GPR176: variants seen among roughly 807,000 people sequenced by gnomAD.
The protein encoded by GPR176 is G-protein coupled receptor 176.
A neutral mutation model predicts 35.4 loss-of-function variants in GPR176; 26 were observed. The observed-to-expected ratio is 0.74, with a 90% CI of 0.54 to 1.02. GPR176 has a LOEUF of 1.02. Ranked by LOEUF, GPR176 falls within the 50% of genes least tolerant of loss-of-function variation. The pLI is 0.00. For synonymous variants in GPR176, 278 were observed against 271.3 expected, an observed-to-expected ratio of 1.02 and a Z score of -0.24; for missense variants, 597 against 665.3, an observed-to-expected ratio of 0.90 and a Z score of 1.13.
chr15:39,865,508 A>G (rs2031790188), intron 1 of GPR176, among the ~76,000 whole-genome samples: 1 of 152,146 alleles, frequency 6.6e-6, no homozygotes. Context: ...ATGTGTACAC[A>G]TGGAGGTAGA....
Position 39,800,885 on chromosome 15 carries a change from C to T in GPR176, c.*247G>A, listed in dbSNP as rs1435663401. 4.6e-6 allele frequency: 2 copies of T among 433,082 alleles called. No individual in the cohort carries two copies. Among genetic ancestry groups the T allele is most frequent in the Non-Finnish European group, 8.4e-6 (2 of 238,256 alleles). The allele number at this position is 433,082 out of a possible 1,614,324, so 26.8% of individuals were successfully genotyped here. A position where few individuals can be genotyped will look rare whatever the true frequency, so the allele number is the denominator to read the frequency against. ...CATTCAAAACTGCCCAGCTCTTGTC[C>T]CCACAGAGAATAATGTGGACTTCAC... is the stretch of plus-strand genomic sequence containing the variant. On this transcript the variant is annotated 3_prime_UTR_variant, in exon 3 of 3. Transcript: ENST00000561100.
intron 1 of GPR176, among the ~76,000 whole-genome samples, chr15:39,881,596 T>G (rs1476770058): frequency 6.6e-6 from 1 of 152,256 alleles, no homozygotes; most frequent in Non-Finnish European, 1.5e-5. Context: ...AAAGCAGTAC[T>G]GAGTGCAACT....
Position 39,905,496 on chromosome 15 carries a change from T to C in GPR176, c.172+14359A>G, listed in dbSNP as rs138194362. ...AAAAATTAGCTGATGTGGCGGCACA[T>C]AACAGTGGGAGGATTGCTTGATCAC... On this transcript the variant is annotated intron_variant, in intron 1 of 2. Coordinates refer to ENST00000561100, the MANE Select transcript of GPR176 (RefSeq NM_007223.3). 6.3e-3 allele frequency among the ~76,000 whole-genome samples: 920 copies of C among 146,548 alleles called. 11 individuals carry two copies. Among genetic ancestry groups the C allele is most frequent in the African/African-American group, 0.019 (768 of 39,940 alleles).
intron 1 of GPR176, chr15:39,829,411 G>C (rs1293552017): frequency 3.7e-6 from 4 of 1,072,966 alleles, no homozygotes; most frequent in Middle Eastern, 3.8e-4. Flanking sequence ...AAGCCCTGTA[G>C]AGTGAGGTTG....
rs1276280974 is a variant in GPR176, at chr15:39,920,095, G to C, written c.-69C>G. On this transcript the variant is annotated 5_prime_UTR_variant, in exon 1 of 3. Coordinates refer to ENST00000561100, the MANE Select transcript of GPR176 (RefSeq NM_007223.3). Reference sequence around the variant, plus strand: ...CCCCGCGCGGAGCCTCTCCTCCTCCGGGTGAGGAGGGACGCGCGGGCGCCT... The same window carrying C: ...CCCCGCGCGGAGCCTCTCCTCCTCCCGGTGAGGAGGGACGCGCGGGCGCCT... 4.7e-6 allele frequency: 5 copies of C among 1,065,540 alleles called. No individual in the cohort carries two copies. Among genetic ancestry groups the C allele is most frequent in the Non-Finnish European group, 6.1e-6 (5 of 821,582 alleles). 66.0% of individuals were successfully genotyped at this position (1,065,540 alleles called of 1,614,324 possible). A position where few individuals can be genotyped will look rare whatever the true frequency, so the allele number is the denominator to read the frequency against.
chr15:39,865,570 G>A (rs2031794360), intron 1 of GPR176, among the ~76,000 whole-genome samples: 1 of 152,080 alleles, frequency 6.6e-6, no homozygotes, highest in African/African-American at 2.4e-5. Context: ...GTGGAAGGAG[G>A]ATGGATGATG....
intron 2 of GPR176, among the ~76,000 whole-genome samples, chr15:39,802,764 A>G (rs1898966356): frequency 6.6e-6 from 1 of 152,228 alleles, no homozygotes; most frequent in South Asian, 2.1e-4. Flanking sequence ...CACAGTCCAG[A>G]TATCATTAAC....
At chr15:39,901,213 C>G (rs2033267178) in intron 1 of GPR176, among the ~76,000 whole-genome samples, 1 of 151,658 alleles carries the variant, frequency 6.6e-6, no homozygotes, top group Non-Finnish European at 1.5e-5. Flanking sequence ...ACAAGATGTA[C>G]CCAAAAGGCA....
chr15:39,875,344 T>C (rs1275086656), intron 1 of GPR176, among the ~76,000 whole-genome samples: 1 of 152,244 alleles, frequency 6.6e-6, no homozygotes, highest in Non-Finnish European at 1.5e-5. Context: ...ATTTCTATTG[T>C]TTCTTTGACT....
At chr15:39,846,667 G>A (rs1418578962) in intron 1 of GPR176, among the ~76,000 whole-genome samples, 1 of 152,192 alleles carries the variant, frequency 6.6e-6, no homozygotes, top group Admixed American at 6.5e-5. Flanking sequence ...TACAGGTGAG[G>A]AAGAAGTGAC....
chr15:39,869,187 G>A (rs1341294435), intron 1 of GPR176, among the ~76,000 whole-genome samples: 2 of 149,788 alleles, frequency 1.3e-5, no homozygotes, highest in East Asian at 1.9e-4. Context: ...ACACTGTGGT[G>A]AGCTTTTTAT....
At chr15:39,813,273 C>T (rs561839198) in intron 1 of GPR176, 48 of 152,288 alleles carry the variant, frequency 3.2e-4, no homozygotes, top group African/African-American at 1.1e-3. Context: ...TTTGTGTAGA[C>T]ACAAGTTTCT....
intron 1 of GPR176, among the ~76,000 whole-genome samples, chr15:39,833,521 G>T (rs755605839): frequency 2.6e-5 from 4 of 152,104 alleles, no homozygotes; most frequent in Non-Finnish European, 4.4e-5. Flanking sequence ...GGGACATGTG[G>T]ATACTAATGA....
intron 1 of GPR176, among the ~76,000 whole-genome samples, chr15:39,856,620 G>A (rs2031239508): frequency 6.6e-6 from 1 of 152,200 alleles, no homozygotes; most frequent in African/African-American, 2.4e-5. Context: ...CTGAACACAT[G>A]GCAGCTGACT....
In GPR176 at chr15:39,866,915, C is replaced by T. The variant is rs997569394; in HGVS notation, c.172+52940G>A. On this transcript the variant is annotated intron_variant, in intron 1 of 2. Transcript: ENST00000561100. ...AGCAAGGTGGAGTGAGTAGTGGTGC[C>T]CGTGTTCTAAAACTGAGGGAACAAG... is the stretch of plus-strand genomic sequence containing the variant. 9.9e-5 allele frequency among the ~76,000 whole-genome samples: 15 copies of T among 151,774 alleles called. 1 individual carries two copies. The highest frequency in any genetic ancestry group is 1.5e-5 in the Non-Finnish European group (1 of 67,980).
intron 1 of GPR176, among the ~76,000 whole-genome samples, chr15:39,848,941 G>GA (rs1045397307): frequency 1.5e-5 from 2 of 137,532 alleles, no homozygotes; most frequent in Non-Finnish European, 1.6e-5. Context: ...CTAAAAAAAA[G>GA]AAAAAAAAGC....
intron 1 of GPR176, among the ~76,000 whole-genome samples, chr15:39,816,231 T>C (rs1362095409): frequency 6.6e-6 from 1 of 152,220 alleles, no homozygotes; most frequent in Non-Finnish European, 1.5e-5. Flanking sequence ...GTGACTACAG[T>C]AAGCAATATA....
At chr15:39,894,138 C>A (rs1389877200) in intron 1 of GPR176, among the ~76,000 whole-genome samples, 4 of 114,090 alleles carry the variant, frequency 3.5e-5, no homozygotes, top group Non-Finnish European at 7.5e-5. Context: ...CGGGGGCTGA[C>A]CCCCCCACCT....
At chr15:39,819,514 T>G (rs1300308431) in intron 1 of GPR176, among the ~76,000 whole-genome samples, 2 of 152,220 alleles carry the variant, frequency 1.3e-5, no homozygotes, top group Admixed American at 1.3e-4. Flanking sequence ...TCATCATTTT[T>G]TCCTGTGTAC....
Sources: allele counts gnomAD v4.1 joint callset (sites outside exome capture counted in the v4.1 genomes callset), GRCh38; gene constraint gnomAD v4.1.1; transcripts MANE v1.5; gene names NCBI Gene and HGNC (gene_info 2026-07-23, HGNC 2026-07-21).